The following ELMO1 variants were observed in gnomAD, a reference collection of about 807,000 sequenced individuals.
ELMO1 encodes the protein engulfment and cell motility protein 1.
A neutral mutation model predicts 98.9 loss-of-function variants in ELMO1; 26 were observed. The ratio of observed to expected loss-of-function variants is 0.26; its 90% CI spans 0.19 to 0.36. The LOEUF (loss-of-function observed/expected upper bound fraction) is 0.36. Ranked by LOEUF, ELMO1 falls within the 10% of genes least tolerant of loss-of-function variation. The pLI, the probability that ELMO1 is intolerant of heterozygous loss-of-function variation, is 1.00. For synonymous variants in ELMO1, 346 were observed against 346.0 expected (o/e 1.00, Z 0.00); for missense variants, 627 against 935.2 (o/e 0.67, Z 4.30).
intron 1 of ELMO1, among the ~76,000 whole-genome samples, chr7:37,399,571 G>C (rs1189408017): frequency 6.6e-6 from 1 of 152,160 alleles, no homozygotes; most frequent in African/African-American, 2.4e-5. Flanking sequence ...AGGCAAATCA[G>C]AACCTTTCAT....
chr7:37,027,931 G>A (rs928017252), intron 15 of ELMO1, among the ~76,000 whole-genome samples: 41 of 152,112 alleles, frequency 2.7e-4, no homozygotes, highest in African/African-American at 9.9e-4. Flanking sequence ...CATAATCTGA[G>A]TAACATGACA....
chr7:37,439,841 C>T (rs1262895399), intron 1 of ELMO1, among the ~76,000 whole-genome samples: 1 of 152,206 alleles, frequency 6.6e-6, no homozygotes. Flanking sequence ...GAAACATATT[C>T]ATTCCTTGAC....
intron 16 of ELMO1, among the ~76,000 whole-genome samples, chr7:37,007,818 A>T (rs1447310773): frequency 1.3e-5 from 2 of 152,032 alleles, no homozygotes; most frequent in Non-Finnish European, 2.9e-5. Flanking sequence ...ATTTCTCAGG[A>T]TGTTTCCTTC....
chr7:37,007,589 C>T (rs1317265007), intron 16 of ELMO1, among the ~76,000 whole-genome samples: 3 of 152,218 alleles, frequency 2.0e-5, no homozygotes, highest in Admixed American at 2.0e-4. Flanking sequence ...AGTTGAACTG[C>T]CCTAGTAAGG....
intron 4 of ELMO1, among the ~76,000 whole-genome samples, chr7:37,311,082 T>C (rs1234795849): frequency 2.0e-5 from 3 of 152,004 alleles, no homozygotes; most frequent in Non-Finnish European, 4.4e-5. Context: ...AATCATTGAA[T>C]CTTAACTTTC....
chr7:37,395,576 AG>A (rs1264700049), intron 1 of ELMO1, among the ~76,000 whole-genome samples: 3 of 152,180 alleles, frequency 2.0e-5, no homozygotes, highest in African/African-American at 7.2e-5. Context: ...GAGATCCTTG[AG>A]AAAAAGTGAA....
At chr7:37,421,435 C>G (rs1486215793) in intron 1 of ELMO1, among the ~76,000 whole-genome samples, 1 of 152,248 alleles carries the variant, frequency 6.6e-6, no homozygotes, top group Non-Finnish European at 1.5e-5. Context: ...ACATTCTGCT[C>G]TATATCCAAC....
intron 1 of ELMO1, among the ~76,000 whole-genome samples, chr7:37,373,218 A>C (rs541365671): frequency 2.0e-4 from 31 of 152,358 alleles, no homozygotes; most frequent in Admixed American, 7.8e-4. Flanking sequence ...AAATCATTTC[A>C]CCAATCCAAT....
At chr7:37,345,697 A>C (rs1800968518) in intron 1 of ELMO1, among the ~76,000 whole-genome samples, 1 of 151,822 alleles carries the variant, frequency 6.6e-6, no homozygotes. Flanking sequence ...ACAGAGCGAG[A>C]CTCTGTCTCA....
At chr7:37,266,568 G>A (rs938699887) in intron 5 of ELMO1, among the ~76,000 whole-genome samples, 12 of 152,240 alleles carry the variant, frequency 7.9e-5, no homozygotes, top group African/African-American at 2.9e-4. Context: ...GCTTATAATA[G>A]GGTTCACAAA....
At chr7:37,425,070 T>C (rs1243248820) in intron 1 of ELMO1, among the ~76,000 whole-genome samples, 1 of 152,178 alleles carries the variant, frequency 6.6e-6, no homozygotes, top group African/African-American at 2.4e-5. Flanking sequence ...CCAGTCTTCA[T>C]AGATTTATGG....
chr7:37,381,254 A>G (rs1328447512), intron 1 of ELMO1, among the ~76,000 whole-genome samples: 1 of 152,246 alleles, frequency 6.6e-6, no homozygotes, highest in Non-Finnish European at 1.5e-5. Context: ...ATCCCAGATA[A>G]TGTCCAACTT....
chr7:36,990,456 T>C (rs1035375954), intron 16 of ELMO1, among the ~76,000 whole-genome samples: 2 of 152,148 alleles, frequency 1.3e-5, no homozygotes, highest in African/African-American at 2.4e-5. Flanking sequence ...ATTTACTATG[T>C]GCTGTCCACA....
intron 4 of ELMO1, among the ~76,000 whole-genome samples, chr7:37,311,780 C>T (rs186134827): frequency 3.3e-5 from 5 of 152,260 alleles, no homozygotes; most frequent in African/African-American, 1.2e-4. Context: ...TGAGTCTTCT[C>T]ACTCCTTAAA....
In ELMO1 at chr7:37,018,802, G is replaced by GGCATAGGCT. The variant is rs111812901; in HGVS notation, c.1301-5376_1301-5368dup. On this transcript the variant is annotated intron_variant, in intron 15 of 21. Transcript: ENST00000310758. ...AGTTACTATTTGTAATCAAGTACATGGCATAGGCTTAGTAAACGGTGGCTA... is the reference window on the plus strand; with the variant it reads ...AGTTACTATTTGTAATCAAGTACATGGCATAGGCTGCATAGGCTTAGTAAACGGTGGCTA... Among the ~76,000 whole-genome samples the GGCATAGGCT allele has an allele frequency of 4.2e-3, 635 of 152,306 alleles. 3 individuals carry two copies. The highest frequency in any genetic ancestry group is 5.5e-3 in the African/African-American group (229 of 41,564).
At chr7:37,271,617 A>C (rs112778925) in intron 5 of ELMO1, 11 of 528,506 alleles carry the variant, frequency 2.1e-5, no homozygotes, top group African/African-American at 1.9e-4. Context: ...CAGGTTAGAC[A>C]AGCTTGCCCT....
intron 15 of ELMO1, among the ~76,000 whole-genome samples, chr7:37,089,323 A>G (rs967427838): frequency 1.3e-5 from 2 of 152,234 alleles, no homozygotes; most frequent in African/African-American, 4.8e-5. Flanking sequence ...ACATTTTCAT[A>G]ATGTGTAATG....
chr7:37,398,635 C>A (rs749955589), intron 1 of ELMO1, among the ~76,000 whole-genome samples: 6 of 150,848 alleles, frequency 4.0e-5, no homozygotes, highest in Admixed American at 2.0e-4. Context: ...AGAAAGAATG[C>A]GGGATGGGAG....
chr7:36,976,165 A>G (rs1166611038), intron 16 of ELMO1, among the ~76,000 whole-genome samples: 1 of 152,244 alleles, frequency 6.6e-6, no homozygotes, highest in Non-Finnish European at 1.5e-5. Flanking sequence ...TGTATTTACA[A>G]GTCCAGGGAG....
Sources: gnomAD v4.1 joint callset for allele counts (sites outside exome capture counted in the v4.1 genomes callset) on GRCh38, gnomAD v4.1.1 for gene constraint, MANE v1.5 for transcripts, NCBI Gene and HGNC (gene_info 2026-07-23, HGNC 2026-07-21) for gene names.